The following POC1A variants were observed in gnomAD, a reference collection of about 807,000 sequenced individuals.
POC1A encodes the protein POC1 centriolar protein homolog A.
In POC1A, 34 loss-of-function variants were observed where a neutral mutation model predicts 47.8. That is an observed-to-expected ratio of 0.71 (90% CI 0.54 to 0.95). The LOEUF (loss-of-function observed/expected upper bound fraction) is 0.95, where lower values mean the gene tolerates loss of function less well. Ranked by LOEUF, POC1A falls within the 40% of genes least tolerant of loss-of-function variation. POC1A has a pLI of 0.00. For missense variants in POC1A, 466 were observed against 528.3 expected (o/e 0.88, Z 1.16); for synonymous variants, 177 against 207.6 (o/e 0.85, Z 1.27).
intron 7 of POC1A, among the ~76,000 whole-genome samples, chr3:52,130,653 C>G (rs954247462): frequency 6.6e-6 from 1 of 152,170 alleles, no homozygotes; most frequent in Non-Finnish European, 1.5e-5. Flanking sequence ...CAGGTGTGAC[C>G]CTCCTGAGCA....
At chr3:52,078,508 T>TC (rs1206374017) in intron 10 of POC1A, among the ~76,000 whole-genome samples, 4 of 119,212 alleles carry the variant, frequency 3.4e-5, no homozygotes, top group African/African-American at 1.1e-4. Flanking sequence ...AATCTCTTTT[T>TC]TTTTTTTTTT....
At chr3:52,154,107 G>A (rs1449429069) in intron 1 of POC1A, among the ~76,000 whole-genome samples, 1 of 152,260 alleles carries the variant, frequency 6.6e-6, no homozygotes, top group East Asian at 1.9e-4. Flanking sequence ...CCCTCGCTAG[G>A]ATGCAAACTA....
At chr3:52,113,001 G>T (rs1367494839) in intron 9 of POC1A, among the ~76,000 whole-genome samples, 1 of 152,188 alleles carries the variant, frequency 6.6e-6, no homozygotes, top group African/African-American at 2.4e-5. Context: ...CCAGCAAGCT[G>T]TGTTTTAACA....
At chr3:52,086,193 T>C (rs9828327) in intron 10 of POC1A, among the ~76,000 whole-genome samples, 39,231 of 151,912 alleles carry the variant, frequency 0.26, 6,233 homozygotes, top group East Asian at 0.45. Flanking sequence ...GGTGGTGTGG[T>C]CCCCACTGCT....
intron 10 of POC1A, among the ~76,000 whole-genome samples, chr3:52,091,281 C>T (rs1274711337): frequency 6.6e-6 from 1 of 151,988 alleles, no homozygotes; most frequent in Non-Finnish European, 1.5e-5. Context: ...CGCCCACGCT[C>T]CTGACCTCAG....
chr3:52,131,099 C>T (rs1223196513), intron 7 of POC1A, among the ~76,000 whole-genome samples: 1 of 152,170 alleles, frequency 6.6e-6, no homozygotes, highest in Non-Finnish European at 1.5e-5. Flanking sequence ...ACTGCACAGC[C>T]ACAAATACCA....
chr3:52,133,882 A>C (rs1704333030), intron 7 of POC1A, among the ~76,000 whole-genome samples: 1 of 152,130 alleles, frequency 6.6e-6, no homozygotes, highest in Admixed American at 6.5e-5. Context: ...GCTCACCCCC[A>C]GCCTGCACTG....
At chr3:52,149,668 C>CA in intron 3 of POC1A, 148 bp downstream of exon 3, 1 of 781,406 alleles carries the variant, frequency 1.3e-6, no homozygotes, top group Non-Finnish European at 2.1e-6. Flanking sequence ...GCTCCAACTG[C>CA]AGCCCCAGCC....
intron 9 of POC1A, among the ~76,000 whole-genome samples, chr3:52,114,079 GGGTCC>G (rs1703475001): frequency 6.6e-6 from 1 of 152,174 alleles, no homozygotes; most frequent in African/African-American, 2.4e-5. Context: ...ACCTCAGGCT[GGGTCC>G]CAGCCTCTGC....
chr3:52,104,896 C>T (rs1030623499), intron 9 of POC1A, among the ~76,000 whole-genome samples: 3 of 152,236 alleles, frequency 2.0e-5, no homozygotes, highest in Admixed American at 2.0e-4. Context: ...GGTCTGCACA[C>T]ACCTGGTCAG....
chr3:52,133,466 C>T (rs779331873), intron 7 of POC1A, among the ~76,000 whole-genome samples: 1 of 152,120 alleles, frequency 6.6e-6, no homozygotes, highest in East Asian at 1.9e-4. Flanking sequence ...TCAAATGGGC[C>T]GATGTGTGCC....
chr3:52,125,044 G>A, intron 8 of POC1A, 69 bp downstream of exon 8: 1 of 1,272,598 alleles, frequency 7.9e-7, no homozygotes. Context: ...CAAACACCCT[G>A]TTTGGTTCTG....
intron 9 of POC1A, among the ~76,000 whole-genome samples, chr3:52,102,813 A>G (rs1186262749): frequency 6.6e-6 from 1 of 152,274 alleles, no homozygotes; most frequent in African/African-American, 2.4e-5. Flanking sequence ...TCAATGTTGT[A>G]AAGATGTCAA....
In POC1A at chr3:52,139,098, C is replaced by T. The variant is rs115475563; in HGVS notation, c.680-796G>A. ...CCACCTGCCTCGGCCTCTCAAGGTG[C>T]TGAGATTACAGCCGTGAGCCACCAC... is the stretch of plus-strand genomic sequence containing the variant. On this transcript the variant is annotated intron_variant, in intron 6 of 10. Coordinates refer to ENST00000296484, the MANE Select transcript of POC1A (RefSeq NM_015426.5). Among the ~76,000 whole-genome samples the T allele has an allele frequency of 4.4e-3, 670 of 152,328 alleles. 2 individuals are homozygous for T. Among genetic ancestry groups the T allele is most frequent in the Middle Eastern group, 0.017 (5 of 294 alleles).
chr3:52,112,187 G>A (rs1258015923), intron 9 of POC1A, among the ~76,000 whole-genome samples: 1 of 152,126 alleles, frequency 6.6e-6, no homozygotes. Flanking sequence ...AGGGTCTCAC[G>A]CTGTCACCCA....
intron 6 of POC1A, 126 bp from the exon 7 acceptor site, chr3:52,138,428 T>A (rs1698061097): frequency 1.0e-6 from 1 of 967,868 alleles, no homozygotes; most frequent in African/African-American, 1.6e-5. Context: ...AGGATGGTCA[T>A]TGCTCAGAAG....
intron 9 of POC1A, among the ~76,000 whole-genome samples, chr3:52,107,224 G>C (rs1011101782): frequency 2.0e-5 from 3 of 152,252 alleles, no homozygotes; most frequent in Admixed American, 6.5e-5. Flanking sequence ...GAGCCCTCCA[G>C]GTCATCACAC....
Position 52,086,524 on chromosome 3 carries a change from T to C in POC1A, c.1125+10045A>G, listed in dbSNP as rs1577804571. On this transcript the variant is annotated intron_variant, in intron 10 of 10. Coordinates refer to ENST00000296484, the MANE Select transcript of POC1A (RefSeq NM_015426.5). ...CCCCACTGCCTACCCTAGCTCTGCG[T>C]TGTATCCTGCCAACTCCAGCTTTGT... 2.6e-5 allele frequency among the ~76,000 whole-genome samples: 4 copies of C among 152,252 alleles called. No individual in the cohort carries two copies. The South Asian group carries it at 8.3e-4, about 31-fold the overall frequency.
rs1702326654 is a variant in POC1A at position 52,082,355 on chromosome 3, T to C, written c.1126-6370A>G. Among the ~76,000 whole-genome samples, 3 of 152,084 alleles carry C rather than the reference T, an allele frequency of 2.0e-5. No homozygotes were observed. In the South Asian group the frequency reaches 6.2e-4, roughly 31 times the overall value. ...TGAAGGAGGGACTGCCCAACCCAGG[T>C]GACCCAACAGGGAGGATGCCGAGAT... On this transcript the variant is annotated intron_variant, in intron 10 of 10. Coordinates refer to ENST00000296484, the MANE Select transcript of POC1A (RefSeq NM_015426.5).
Sources: gnomAD v4.1 joint callset for allele counts (sites outside exome capture counted in the v4.1 genomes callset) on GRCh38, gnomAD v4.1.1 for gene constraint, MANE v1.5 for transcripts, NCBI Gene and HGNC (gene_info 2026-07-23, HGNC 2026-07-21) for gene names.